The following ARHGAP28 variants were observed in gnomAD, a reference collection of about 807,000 sequenced individuals.
ARHGAP28 encodes Rho GTPase activating protein 28.
Under a neutral mutation model 90.7 loss-of-function variants are expected in ARHGAP28, and 56 were observed. The ratio of observed to expected loss-of-function variants is 0.62; its 90% CI spans 0.50 to 0.77. ARHGAP28 has a LOEUF of 0.77. ARHGAP28 is among the 30% of genes least tolerant of loss of function. The probability of loss-of-function intolerance (pLI) is 0.00; values close to 1 mark genes in which losing one functional copy is unlikely to be tolerated. For synonymous variants in ARHGAP28, 308 were observed against 323.3 expected, an observed-to-expected ratio of 0.95 and a Z score of 0.51; for missense variants, 869 against 900.9, an observed-to-expected ratio of 0.96 and a Z score of 0.45.
At chr18:6,872,684 T>G (rs1395822860) in intron 7 of ARHGAP28, among the ~76,000 whole-genome samples, 1 of 152,226 alleles carries the variant, frequency 6.6e-6, no homozygotes, top group Non-Finnish European at 1.5e-5. Flanking sequence ...CTGCTGAAAT[T>G]CTTCACAATA....
intron 1 of ARHGAP28, among the ~76,000 whole-genome samples, chr18:6,765,983 C>T (rs952197964): frequency 2.6e-5 from 4 of 152,176 alleles, no homozygotes; most frequent in Admixed American, 2.6e-4. Context: ...ACATACTTTG[C>T]ATGAATTAAG....
At chr18:6,799,574 G>A (rs1015297158) in intron 1 of ARHGAP28, among the ~76,000 whole-genome samples, 2 of 152,028 alleles carry the variant, frequency 1.3e-5, no homozygotes, top group African/African-American at 2.4e-5. Context: ...CAGAAATAAC[G>A]CCGCATATCT....
chr18:6,753,263 A>C (rs564762152), intron 1 of ARHGAP28, among the ~76,000 whole-genome samples: 1 of 152,376 alleles, frequency 6.6e-6, no homozygotes, highest in South Asian at 2.1e-4. Flanking sequence ...GCAAAAGCTT[A>C]AAGTAGGAAA....
intron 1 of ARHGAP28, among the ~76,000 whole-genome samples, chr18:6,738,508 A>G (rs896728466): frequency 2.6e-5 from 4 of 152,204 alleles, no homozygotes; most frequent in African/African-American, 9.6e-5. Context: ...GAAACCACTT[A>G]TTAGTGTATT....
intron 1 of ARHGAP28, among the ~76,000 whole-genome samples, chr18:6,820,607 A>G (rs2056620327): frequency 6.6e-6 from 1 of 152,382 alleles, no homozygotes; most frequent in South Asian, 2.1e-4. Flanking sequence ...AAATTGCTGA[A>G]AGCAAAAGAT....
intron 1 of ARHGAP28, among the ~76,000 whole-genome samples, chr18:6,782,592 ATTTTTTTTTTTTTTTTTTT>A (rs10602816): frequency 0.088 from 2,349 of 26,734 alleles, 101 homozygotes; most frequent in African/African-American, 0.21. Flanking sequence ...TAATTTTTGT[ATTTTTTTTTTTTTTTTTTT>A]TTTTTTTTTT....
At chr18:6,907,450 G>A (rs2143851964) in intron 16 of ARHGAP28, among the ~76,000 whole-genome samples, 1 of 151,350 alleles carries the variant, frequency 6.6e-6, no homozygotes. Flanking sequence ...ACAGAAACTG[G>A]CCCATCTATA....
Position 6,876,215 on chromosome 18 carries a change from A to C in ARHGAP28, c.1290+7A>C. ...ATGTACTGCTAAAGTCAAGGTACCGAACATTTTGTCTCTTCCTAGGTAGAG... is the reference window on the plus strand; with the variant it reads ...ATGTACTGCTAAAGTCAAGGTACCGCACATTTTGTCTCTTCCTAGGTAGAG... On this transcript the variant is annotated splice_region_variant and intron_variant, in intron 10 of 17. Transcript: ENST00000383472. 6.2e-7 allele frequency: 1 copy of C among 1,612,702 alleles called. No homozygotes were observed. Among genetic ancestry groups the C allele is most frequent in the Non-Finnish European group, 8.5e-7 (1 of 1,178,746 alleles).
intron 1 of ARHGAP28, among the ~76,000 whole-genome samples, chr18:6,736,578 TAAA>T (rs35403034): frequency 6.8e-6 from 1 of 145,996 alleles, no homozygotes; most frequent in Admixed American, 6.8e-5. Context: ...CATTTCTACT[TAAA>T]AAAAAAAAAT....
chr18:6,772,459 C>G (rs1328215761), intron 1 of ARHGAP28, among the ~76,000 whole-genome samples: 2 of 152,186 alleles, frequency 1.3e-5, no homozygotes, highest in African/African-American at 4.8e-5. Context: ...GCAAAAGTGA[C>G]ATGTGTTCTG....
At chr18:6,833,628 T>C (rs560018487) in intron 2 of ARHGAP28, among the ~76,000 whole-genome samples, 2 of 152,284 alleles carry the variant, frequency 1.3e-5, no homozygotes, top group South Asian at 2.1e-4. Flanking sequence ...CAAGTTGTGA[T>C]GTTGTGTTCT....
At chr18:6,899,228 T>C (rs1449289069) in intron 16 of ARHGAP28, among the ~76,000 whole-genome samples, 2 of 152,100 alleles carry the variant, frequency 1.3e-5, no homozygotes, top group East Asian at 3.9e-4. Context: ...AGAAGCCCCA[T>C]TCCTTCCAGG....
chr18:6,772,462 G>C (rs2056250780), intron 1 of ARHGAP28, among the ~76,000 whole-genome samples: 1 of 152,186 alleles, frequency 6.6e-6, no homozygotes, highest in Non-Finnish European at 1.5e-5. Flanking sequence ...AAAGTGACAT[G>C]TGTTCTGTAG....
intron 4 of ARHGAP28, among the ~76,000 whole-genome samples, chr18:6,852,869 T>G (rs918857495): frequency 2.0e-5 from 3 of 152,214 alleles, no homozygotes; most frequent in African/African-American, 7.2e-5. Flanking sequence ...GAGGAAATGC[T>G]CAAATCTGTC....
intron 3 of ARHGAP28, among the ~76,000 whole-genome samples, chr18:6,843,007 CAT>C (rs1182169079): frequency 3.3e-5 from 5 of 152,044 alleles, no homozygotes; most frequent in Non-Finnish European, 7.4e-5. Flanking sequence ...TTTTAAAAGA[CAT>C]GTACATATGG....
intron 3 of ARHGAP28, among the ~76,000 whole-genome samples, chr18:6,838,613 T>A (rs1262101407): frequency 1.3e-5 from 2 of 152,238 alleles, no homozygotes; most frequent in African/African-American, 4.8e-5. Flanking sequence ...ATGTGGCTAG[T>A]GTGAGAAGTT....
chr18:6,825,022 T>C, intron 2 of ARHGAP28, 58 bp downstream of exon 2: 5 of 1,415,174 alleles, frequency 3.5e-6, no homozygotes, highest in Non-Finnish European at 4.7e-6. Flanking sequence ...CTGCCCTCTG[T>C]TACTCTGTTC....
intron 1 of ARHGAP28, among the ~76,000 whole-genome samples, chr18:6,815,893 T>G (rs1011562190): frequency 4.0e-5 from 6 of 151,084 alleles, no homozygotes; most frequent in Non-Finnish European, 8.8e-5. Flanking sequence ...ACTTAATTAC[T>G]GATGTGTCAT....
intron 1 of ARHGAP28, among the ~76,000 whole-genome samples, chr18:6,740,877 T>A (rs6506437): frequency 6.6e-6 from 1 of 152,120 alleles, no homozygotes; most frequent in African/African-American, 2.4e-5. Flanking sequence ...AACCTGTCGA[T>A]CCTGGTTTGA....
Sources: gnomAD v4.1 joint callset for allele counts (sites outside exome capture counted in the v4.1 genomes callset) on GRCh38, gnomAD v4.1.1 for gene constraint, MANE v1.5 for transcripts, NCBI Gene and HGNC (gene_info 2026-07-23, HGNC 2026-07-21) for gene names.